The following MRE11 variants were observed in gnomAD, a reference collection of about 807,000 sequenced individuals.
MRE11 encodes the protein MRE11 double strand break repair nuclease.
MRE11 carries 62 observed loss-of-function variants against 91.7 expected under a neutral mutation model. The ratio of observed to expected loss-of-function variants is 0.68; its 90% confidence interval spans 0.55 to 0.84. The LOEUF (loss-of-function observed/expected upper bound fraction) is 0.84. MRE11 is among the 40% of genes least tolerant of loss of function. MRE11 has a pLI of 0.00. For synonymous variants in MRE11, 273 were observed against 271.4 expected, an observed-to-expected ratio of 1.01 and a Z score of -0.06; for missense variants, 796 against 852.9, an observed-to-expected ratio of 0.93 and a Z score of 0.83.
the MRE11 span, among the ~76,000 whole-genome samples, chr11:94,503,071 C>T: frequency 6.6e-6 from 1 of 152,114 alleles, no homozygotes; most frequent in Admixed American, 6.6e-5. Context: ...ATGAGATCTG[C>T]CCTGTTAAAA....
At chr11:94,492,063 G>A (rs1390984224) in intron 2 of MRE11, among the ~76,000 whole-genome samples, 1 of 152,254 alleles carries the variant, frequency 6.6e-6, no homozygotes, top group East Asian at 1.9e-4. Context: ...ACTTGCCCAA[G>A]GTCACACAGC....
Position 94,464,111 on chromosome 11 carries a change from A to T in MRE11, c.1225+2T>A, listed in dbSNP as rs145058858. 6.2e-7 allele frequency: 1 copy of T among 1,612,772 alleles called. No homozygotes were observed. The highest frequency in any genetic ancestry group is 1.3e-5 in the African/African-American group (1 of 74,900). ...TTTACCTCATAAAAATAACTAGCTT[A>T]CCTGTTTTTTCCTTTTGTTCTCTAT... On this transcript the variant is annotated splice_donor_variant, in intron 11 of 19. Coordinates refer to ENST00000323929, the MANE Select transcript of MRE11 (RefSeq NM_005591.4). LOFTEE classifies it high-confidence loss of function.
chr11:94,437,990 T>G (rs1945669494), intron 16 of MRE11, among the ~76,000 whole-genome samples: 1 of 151,988 alleles, frequency 6.6e-6, no homozygotes, highest in African/African-American at 2.4e-5. Flanking sequence ...TAGCCAGGCA[T>G]GGTGGCAGGT....
chr11:94,430,719 T>C (rs12708328), intron 18 of MRE11, among the ~76,000 whole-genome samples: 4,910 of 152,168 alleles, frequency 0.032, 178 homozygotes, highest in African/African-American at 0.086. Flanking sequence ...TCCGCCCACC[T>C]CGGCCTCCCA....
At chr11:94,482,906 C>T (rs1259523437) in intron 4 of MRE11, among the ~76,000 whole-genome samples, 1 of 151,846 alleles carries the variant, frequency 6.6e-6, no homozygotes, top group African/African-American at 2.4e-5. Flanking sequence ...CCTCTGCACT[C>T]CAGCTTGGGT....
chr11:94,419,574 A>G lies in MRE11; in HGVS notation c.*551T>C, dbSNP rs1945116289. The G allele has an allele frequency of 4.3e-6, 1 of 233,006 alleles. No individual in the cohort carries two copies. Among genetic ancestry groups the G allele is most frequent in the Non-Finnish European group, 8.5e-6 (1 of 118,148 alleles). 14.4% of individuals were successfully genotyped at this position (233,006 alleles called of 1,614,324 possible). A position where few individuals can be genotyped will look rare whatever the true frequency, so the allele number is the denominator to read the frequency against. ...ACAATCTTTTGAAATCTTTGCTACA[A>G]CTGGAATAAAAAACTCAGTAATTCT... is the stretch of plus-strand genomic sequence containing the variant. On this transcript the variant is annotated 3_prime_UTR_variant, in exon 20 of 20. Coordinates refer to ENST00000323929, the MANE Select transcript of MRE11 (RefSeq NM_005591.4).
intron 19 of MRE11, among the ~76,000 whole-genome samples, chr11:94,427,399 T>C (rs755711778): frequency 4.3e-4 from 65 of 151,992 alleles, no homozygotes; most frequent in Non-Finnish European, 1.8e-4. Flanking sequence ...TACCTCAAAA[T>C]AATAAGAGCC....
intron 19 of MRE11, among the ~76,000 whole-genome samples, chr11:94,421,604 A>C (rs1945173612): frequency 6.6e-6 from 1 of 152,252 alleles, no homozygotes; most frequent in Non-Finnish European, 1.5e-5. Context: ...GCAACATGTT[A>C]GTATTTAATA....
chr11:94,455,582 T>A (rs1337204086), intron 14 of MRE11, among the ~76,000 whole-genome samples: 1 of 152,132 alleles, frequency 6.6e-6, no homozygotes, highest in Non-Finnish European at 1.5e-5. Context: ...GCCCCAAATT[T>A]AAGTAAATGG....
chr11:94,461,198 G>C (rs916772913), intron 11 of MRE11, among the ~76,000 whole-genome samples, 162 bp from the exon 12 acceptor site: 1 of 152,156 alleles, frequency 6.6e-6, no homozygotes, highest in Non-Finnish European at 1.5e-5. Context: ...TTTGTTAATA[G>C]CCACGGTCTT....
At chr11:94,509,988 T>G in the MRE11 span, among the ~76,000 whole-genome samples, 2 of 152,198 alleles carry the variant, frequency 1.3e-5, no homozygotes, top group Admixed American at 6.5e-5. Context: ...AATTTTCCTT[T>G]TTAGTAATGT....
chr11:94,437,553 T>C (rs566749644), intron 16 of MRE11, among the ~76,000 whole-genome samples: 5 of 152,280 alleles, frequency 3.3e-5, no homozygotes, highest in African/African-American at 7.2e-5. Flanking sequence ...GAACTACAAA[T>C]GTATTGAAGG....
chr11:94,433,980 T>C (rs190121132), intron 18 of MRE11, among the ~76,000 whole-genome samples: 54 of 152,328 alleles, frequency 3.5e-4, no homozygotes, highest in Non-Finnish European at 5.3e-4. Flanking sequence ...CACCAGATCA[T>C]TTCCTTTAAT....
At chr11:94,494,246 G>C (rs1046862093), upstream of MRE11, 3 of 152,368 alleles carry the variant, frequency 2.0e-5, no homozygotes, top group East Asian at 5.8e-4. Context: ...GTGAGCTCCC[G>C]GCTGGTGGCA....
intron 19 of MRE11, among the ~76,000 whole-genome samples, chr11:94,427,952 T>C (rs963881563): frequency 2.0e-5 from 3 of 152,192 alleles, no homozygotes; most frequent in Admixed American, 2.0e-4. Context: ...ATCATTAAAA[T>C]GACCATACTG....
intron 18 of MRE11, among the ~76,000 whole-genome samples, chr11:94,433,618 C>T (rs1371704247): frequency 2.6e-5 from 4 of 152,198 alleles, no homozygotes; most frequent in Admixed American, 2.6e-4. Flanking sequence ...ATACTAATCT[C>T]GTGGTAGTGA....
At chr11:94,471,416 A>C (rs1489633760) in intron 8 of MRE11, among the ~76,000 whole-genome samples, 158 bp downstream of exon 8, 1 of 152,062 alleles carries the variant, frequency 6.6e-6, no homozygotes, top group Admixed American at 6.6e-5. Flanking sequence ...AAAAACAATA[A>C]GACTACACAG....
chr11:94,438,611 C>G (rs534296478), intron 16 of MRE11, among the ~76,000 whole-genome samples: 2 of 152,280 alleles, frequency 1.3e-5, no homozygotes, highest in East Asian at 1.9e-4. Flanking sequence ...AACAAGATAC[C>G]TTTCTTTTTA....
At chr11:94,482,291 C>T (rs1947031601) in intron 4 of MRE11, among the ~76,000 whole-genome samples, 1 of 152,186 alleles carries the variant, frequency 6.6e-6, no homozygotes, top group Admixed American at 6.5e-5. Flanking sequence ...AGTTAAGTGA[C>T]TAACATAATT....
Sources: gnomAD v4.1 joint callset for allele counts (sites outside exome capture counted in the v4.1 genomes callset) on GRCh38, gnomAD v4.1.1 for gene constraint, MANE v1.5 for transcripts, NCBI Gene and HGNC (gene_info 2026-07-23, HGNC 2026-07-21) for gene names.